KIF4A: variants seen among roughly 807,000 people sequenced by gnomAD.
KIF4A encodes the protein kinesin family member 4A, also known as chromosome-associated kinesin KIF4A.
KIF4A carries 7 observed loss-of-function variants against 105.9 expected under a neutral mutation model. The ratio of observed to expected loss-of-function variants is 0.07; its 90% CI spans 0.04 to 0.12. KIF4A has a LOEUF of 0.12. KIF4A is among the 10% of genes least tolerant of loss of function. KIF4A has a pLI of 1.00. For missense variants in KIF4A, 558 were observed against 929.2 expected (o/e 0.60, Z 5.19); for synonymous variants, 281 against 331.3 (o/e 0.85, Z 1.65).
intron 9 of KIF4A, among the ~76,000 whole-genome samples, chrX:70,333,009 C>T (rs2203791): frequency 0.017 from 1,838 of 111,121 alleles, 37 homozygotes; most frequent in African/African-American, 0.056. Context: ...TATGTCCGTA[C>T]GTTGTCTAGC....
intron 22 of KIF4A, among the ~76,000 whole-genome samples, chrX:70,398,834 A>G (rs2086269947): frequency 8.9e-6 from 1 of 111,920 alleles, no homozygotes; most frequent in Non-Finnish European, 1.9e-5. Context: ...CCAGTGATCA[A>G]AACTATTTTC....
At chrX:70,397,386 CAGAA>C (rs2086263989) in intron 22 of KIF4A, among the ~76,000 whole-genome samples, 1 of 102,389 alleles carries the variant, frequency 9.8e-6, no homozygotes, top group Non-Finnish European at 2.0e-5. Context: ...GGCAGACAGA[CAGAA>C]AGAAAGGAAA....
intron 28 of KIF4A, among the ~76,000 whole-genome samples, chrX:70,410,631 A>G (rs780582893): frequency 7.1e-5 from 8 of 112,032 alleles, no homozygotes; most frequent in Non-Finnish European, 1.5e-4. Flanking sequence ...AAACTGTTCC[A>G]TCTCAGATAT....
chrX:70,302,378 A>T lies in KIF4A; in HGVS notation c.758A>T (p.Glu253Val). Residue 253 changes from glutamate (E) to valine (V), a missense_variant, in exon 7 of 31, where the codon GAA becomes GTA. Physicochemically the swap from Glu to Val is moderately radical, Grantham distance 121 (BLOSUM62 -2). Transcript: ENST00000374403. ...GAAAGACAGAAGAAAACCAAGGCTG[A>T]AGGGGATCGTCTAAAAGAGGGTAAG... Reference protein sequence around the residue: ...GSERQKKTKAEGDRLKEGINI... With the variant: ...GSERQKKTKAVGDRLKEGINI... 2 of 1,211,660 alleles carry T rather than the reference A, an allele frequency of 1.7e-6. 1 individual carries two copies. Among genetic ancestry groups the T allele is most frequent in the Middle Eastern group, 4.6e-4 (2 of 4,354 alleles).
chrX:70,372,036 T>C (rs2086139223), intron 15 of KIF4A, among the ~76,000 whole-genome samples: 1 of 102,650 alleles, frequency 9.7e-6, no homozygotes, highest in African/African-American at 3.7e-5. Context: ...TCCCCACATC[T>C]CAGACGATGG....
chrX:70,295,916 CAA>C (rs779277751), intron 3 of KIF4A, among the ~76,000 whole-genome samples: 7 of 61,380 alleles, frequency 1.1e-4, no homozygotes, highest in African/African-American at 3.5e-4. Context: ...GACTCCATCT[CAA>C]AAAAAAAAAA....
At chrX:70,400,762 T>C (rs112629133) in intron 22 of KIF4A, among the ~76,000 whole-genome samples, 1,853 of 111,241 alleles carry the variant, frequency 0.017, 16 homozygotes, top group Non-Finnish European at 0.026. Context: ...AATAGGTTTA[T>C]GTTTTTTTTT....
intron 28 of KIF4A, among the ~76,000 whole-genome samples, chrX:70,409,072 T>A (rs1199288702): frequency 9.0e-6 from 1 of 110,680 alleles, no homozygotes; most frequent in Non-Finnish European, 1.9e-5. Context: ...TCCATGTTGG[T>A]CAGGCTGGTC....
At chrX:70,405,731 A>G in intron 25 of KIF4A, 97 bp from the exon 26 acceptor site, 1 of 604,673 alleles carries the variant, frequency 1.7e-6, no homozygotes, top group Non-Finnish European at 2.8e-6. Context: ...GCTGCCAGCA[A>G]CTTGGCAGCA....
intron 13 of KIF4A, among the ~76,000 whole-genome samples, chrX:70,352,049 G>A (rs899354737): frequency 8.9e-6 from 1 of 112,180 alleles, no homozygotes; most frequent in Non-Finnish European, 1.9e-5. Flanking sequence ...ATAAGCCACC[G>A]TGCCTGGCTA....
chrX:70,389,989 A>G (rs947096576), intron 20 of KIF4A, among the ~76,000 whole-genome samples: 2 of 112,691 alleles, frequency 1.8e-5, no homozygotes, highest in Middle Eastern at 4.7e-3. Flanking sequence ...AAGAATATTT[A>G]GATACACGAA....
rs1293453650 is a variant in KIF4A, at chrX:70,376,123, G to A, written c.1947G>A (p.Gln649=). The change falls in exon 18 of 31, where the codon CAG becomes CAA. Residue 649 remains glutamine, a synonymous_variant. Transcript: ENST00000374403. ...EIRMMKNQRV[Q]LMRQMKEDAE... ...AGATGATGAAAAACCAGCGGGTACA[G>A]TTAATGCGTCAAATGAAAGAAGATG... 1.7e-6 allele frequency: 2 copies of A among 1,205,305 alleles called. No homozygotes were observed. The highest frequency in any genetic ancestry group is 2.2e-6 in the Non-Finnish European group (2 of 891,913).
In KIF4A at chrX:70,402,657, C is replaced by G. The variant is rs1216463826; in HGVS notation, c.2581C>G (p.Leu861Val). 6 of 1,209,855 alleles carry G rather than the reference C, an allele frequency of 5.0e-6. No individual in the cohort carries two copies. Among genetic ancestry groups the G allele is most frequent in the Non-Finnish European group, 6.7e-6 (6 of 895,043 alleles). Residue 861 changes from leucine to valine, a missense_variant, in exon 23 of 31, where the codon CTG becomes GTG. By Grantham distance (32) the Leu-to-Val change is conservative. Coordinates refer to ENST00000374403, the MANE Select transcript of KIF4A (RefSeq NM_012310.5). ...KQRWENIATILEAKCALKYLI... is the reference protein window; with the variant it reads ...KQRWENIATIVEAKCALKYLI... The stretch of plus-strand genomic sequence containing the variant: ...ACGCTGGGAGAATATTGCCACCATT[C>G]TGGAAGCCAAGTGTGCCCTGAAATA...
chrX:70,404,794 A>G lies in KIF4A; in HGVS notation c.2870A>G (p.Gln957Arg), dbSNP rs2086294198. Reference protein sequence around the residue: ...QLEESVSEKEQQLLSTLKCQD... With the variant: ...QLEESVSEKERQLLSTLKCQD... ...GAGGAATCAGTCAGTGAAAAGGAAC[A>G]GCAGCTGCTGAGCACACTGAAGTGT... Residue 957 changes from glutamine (Q) to arginine (R), a missense_variant, in exon 25 of 31, where the codon CAG becomes CGG. Physicochemically the swap from Gln to Arg is conservative, Grantham distance 43. Transcript: ENST00000374403. The G allele has an allele frequency of 8.3e-7, 1 of 1,203,716 alleles. No individual in the cohort carries two copies. Among genetic ancestry groups the G allele is most frequent in the African/African-American group, 1.7e-5 (1 of 57,828 alleles).
At chrX:70,387,146 C>A in intron 19 of KIF4A, 38 bp from the exon 20 acceptor site, 2 of 892,342 alleles carry the variant, frequency 2.2e-6, no homozygotes, top group South Asian at 2.4e-5. Flanking sequence ...TTTTTTTTTA[C>A]CATTCATTCA....
chrX:70,383,186 CAAAA>C (rs372003538), intron 18 of KIF4A, among the ~76,000 whole-genome samples: 1 of 56,045 alleles, frequency 1.8e-5, no homozygotes, highest in African/African-American at 6.7e-5. Context: ...GACTCCATCT[CAAAA>C]AAAAAAAAAA....
At chrX:70,319,954 AT>A (rs1034037581) in intron 7 of KIF4A, among the ~76,000 whole-genome samples, 2 of 110,500 alleles carry the variant, frequency 1.8e-5, no homozygotes, top group Non-Finnish European at 3.8e-5. Flanking sequence ...ACCAGAACTA[AT>A]TTTTTTTCAG....
chrX:70,405,605 A>G (rs1349723617), intron 25 of KIF4A, among the ~76,000 whole-genome samples: 2 of 111,293 alleles, frequency 1.8e-5, no homozygotes, highest in African/African-American at 6.5e-5. Context: ...CACGGTTCCT[A>G]TGAATGTGGT....
chrX:70,375,083 C>A, intron 16 of KIF4A, 121 bp from the exon 17 acceptor site: 1 of 755,623 alleles, frequency 1.3e-6, no homozygotes, highest in Non-Finnish European at 1.9e-6. Flanking sequence ...TTTAAGATGG[C>A]TATGTGACTA....
Sources: gnomAD v4.1 joint callset for allele counts (sites outside exome capture counted in the v4.1 genomes callset) on GRCh38, gnomAD v4.1.1 for gene constraint, MANE v1.5 for transcripts, NCBI Gene and HGNC (gene_info 2026-07-23, HGNC 2026-07-21) for gene names.